Variants in UNC5D observed in about 807,000 individuals in gnomAD.
UNC5D encodes the protein unc-5 netrin receptor D.
Under a neutral mutation model 105.4 loss-of-function variants are expected in UNC5D, and 39 were observed. The observed-to-expected ratio is 0.37, with a 90% CI of 0.29 to 0.48. The LOEUF is 0.48. Among genes scored for constraint, UNC5D ranks in the 20% least tolerant of loss-of-function variants. UNC5D has a pLI of 0.98. For missense variants in UNC5D, 991 were observed against 1,202.4 expected, an observed-to-expected ratio of 0.82 and a Z score of 2.60; for synonymous variants, 452 against 450.4, an observed-to-expected ratio of 1.00 and a Z score of -0.04.
intron 4 of UNC5D, among the ~76,000 whole-genome samples, chr8:35,611,170 G>A (rs1237663368): frequency 6.6e-6 from 1 of 152,036 alleles, no homozygotes; most frequent in East Asian, 1.9e-4. Flanking sequence ...CATTATGTTT[G>A]GGGAACCAGA....
At chr8:35,252,019 C>CTT (rs1177014089) in intron 1 of UNC5D, among the ~76,000 whole-genome samples, 2,477 of 117,120 alleles carry the variant, frequency 0.021, 59 homozygotes, top group African/African-American at 0.04. Context: ...ACCAATGGTT[C>CTT]TTTTTTTTTT....
intron 1 of UNC5D, among the ~76,000 whole-genome samples, chr8:35,439,679 G>A (rs974634627): frequency 6.6e-6 from 1 of 151,870 alleles, no homozygotes; most frequent in Non-Finnish European, 1.5e-5. Context: ...TCCCAAGAAG[G>A]GTGTCATCTT....
intron 1 of UNC5D, among the ~76,000 whole-genome samples, chr8:35,280,986 C>A (rs1199315856): frequency 2.0e-5 from 3 of 152,196 alleles, no homozygotes; most frequent in African/African-American, 7.2e-5. Flanking sequence ...CTCATTACAT[C>A]TCTCAGCTTG....
intron 4 of UNC5D, among the ~76,000 whole-genome samples, chr8:35,619,022 A>G (rs1417465537): frequency 6.6e-6 from 1 of 152,208 alleles, no homozygotes; most frequent in East Asian, 1.9e-4. Context: ...ATGTCTTACT[A>G]CAGATTTCAA....
intron 4 of UNC5D, among the ~76,000 whole-genome samples, chr8:35,653,851 T>C (rs1235299920): frequency 6.6e-6 from 1 of 152,234 alleles, no homozygotes; most frequent in Non-Finnish European, 1.5e-5. Context: ...TTTCATACTC[T>C]GTACTTGTTA....
At chr8:35,386,582 A>G (rs1055949292) in intron 1 of UNC5D, among the ~76,000 whole-genome samples, 2 of 152,234 alleles carry the variant, frequency 1.3e-5, no homozygotes, top group African/African-American at 4.8e-5. Flanking sequence ...TTGTTAACCA[A>G]ACTCTGCCTG....
rs1830244082 is a variant in UNC5D at position 35,750,786 on chromosome 8, G to A, written c.2140G>A (p.Asp714Asn). Reference sequence around the variant, plus strand: ...TTACAACTTGAGAGTTTACTGTGTGGACAATACCCCTTGTGCATTTCAGGT... The same window carrying A: ...TTACAACTTGAGAGTTTACTGTGTGAACAATACCCCTTGTGCATTTCAGGT... ...LDYNLRVYCV[D>N]NTPCAFQEVV... is the part of the protein sequence containing the mutation. Residue 714 changes from aspartate to asparagine, a missense_variant, in exon 13 of 17, where the codon GAC (aspartate) becomes AAC (asparagine). Asp to Asn is a conservative substitution (Grantham distance 23). Around this residue, in one of 3 missense-constraint regions of UNC5D, gnomAD observed 944 missense variants for 1,131.6 expected, o/e 0.83. Coordinates refer to ENST00000404895, the MANE Select transcript of UNC5D (RefSeq NM_080872.4). The A allele has an allele frequency of 6.2e-7, 1 of 1,614,104 alleles. No homozygotes were observed. Among genetic ancestry groups the A allele is most frequent in the Non-Finnish European group, 8.5e-7 (1 of 1,180,012 alleles).
intron 10 of UNC5D, among the ~76,000 whole-genome samples, chr8:35,728,095 A>AAAAAAAAAAATATATATAT (rs34672872): frequency 2.7e-5 from 3 of 110,354 alleles, no homozygotes; most frequent in African/African-American, 1.1e-4. Flanking sequence ...AAAAAAAAAA[A>AAAAAAAAAAATATATATAT]ATATATATAT....
chr8:35,495,847 A>G (rs1239302465), intron 1 of UNC5D, among the ~76,000 whole-genome samples: 1 of 152,218 alleles, frequency 6.6e-6, no homozygotes, highest in Non-Finnish European at 1.5e-5. Context: ...ATATCTAACC[A>G]CTACTAATAG....
At chr8:35,602,437 T>C (rs1277652362) in intron 4 of UNC5D, among the ~76,000 whole-genome samples, 2 of 152,188 alleles carry the variant, frequency 1.3e-5, no homozygotes, top group Non-Finnish European at 2.9e-5. Context: ...CCTGGACTTT[T>C]TTTGGTTGGT....
At chr8:35,422,282 C>T (rs372756039) in intron 1 of UNC5D, among the ~76,000 whole-genome samples, 4 of 152,170 alleles carry the variant, frequency 2.6e-5, no homozygotes, top group East Asian at 1.9e-4. Flanking sequence ...CTAATAAAAA[C>T]GTGTCATGCT....
chr8:35,278,332 G>A (rs1008741016), intron 1 of UNC5D, among the ~76,000 whole-genome samples: 5 of 152,110 alleles, frequency 3.3e-5, no homozygotes, highest in African/African-American at 7.2e-5. Context: ...CCAGGTGCAC[G>A]CTTTCTTCAC....
Position 35,271,719 on chromosome 8 carries a change from A to C in UNC5D, c.103+35832A>C, listed in dbSNP as rs546906909. On this transcript the variant is annotated intron_variant, in intron 1 of 16. Transcript: ENST00000404895. ...TACATGTATACATATATATTTATAC[A>C]TGTATACATGTATACATATATATTT... 6.4e-3 allele frequency among the ~76,000 whole-genome samples: 308 copies of C among 47,860 alleles called. 5 individuals carry two copies. Among genetic ancestry groups the C allele is most frequent in the African/African-American group, 0.03 (298 of 9,930 alleles). The allele number at this position is 47,860 out of a possible 152,430, so 31.4% of individuals were successfully genotyped here.
chr8:35,271,708 TATATTTATAC>T (rs1563268243), intron 1 of UNC5D, among the ~76,000 whole-genome samples: 2,924 of 74,038 alleles, frequency 0.039, 166 homozygotes, highest in African/African-American at 0.082. Context: ...TGTATACATA[TATATTTATAC>T]ATGTATACAT....
intron 1 of UNC5D, among the ~76,000 whole-genome samples, chr8:35,269,279 G>A (rs893965895): frequency 1.3e-5 from 2 of 152,232 alleles, no homozygotes; most frequent in Non-Finnish European, 2.9e-5. Context: ...TTTGCCAAGC[G>A]TGCTCTAGTC....
chr8:35,679,066 T>G (rs1212808445), intron 4 of UNC5D, among the ~76,000 whole-genome samples: 1 of 151,922 alleles, frequency 6.6e-6, no homozygotes, highest in Non-Finnish European at 1.5e-5. Context: ...CTGAGAAACA[T>G]AGTGAAACCC....
intron 8 of UNC5D, among the ~76,000 whole-genome samples, chr8:35,715,871 G>A (rs1828225267): frequency 6.6e-6 from 1 of 152,114 alleles, no homozygotes; most frequent in Non-Finnish European, 1.5e-5. Context: ...ACATAGGATG[G>A]TCTCCATATT....
chr8:35,295,364 T>C (rs1282241250), intron 1 of UNC5D, among the ~76,000 whole-genome samples: 1 of 152,214 alleles, frequency 6.6e-6, no homozygotes, highest in Non-Finnish European at 1.5e-5. Flanking sequence ...TTAAAATACA[T>C]GGTTCATCTG....
At chr8:35,751,249 C>T (rs1830268476) in intron 13 of UNC5D, among the ~76,000 whole-genome samples, 1 of 152,136 alleles carries the variant, frequency 6.6e-6, no homozygotes, top group Non-Finnish European at 1.5e-5. Flanking sequence ...AGGGTGGTGC[C>T]TACTGATCCA....
Sources: allele counts gnomAD v4.1 joint callset (sites outside exome capture counted in the v4.1 genomes callset), GRCh38; gene constraint gnomAD v4.1.1; regional missense constraint gnomAD v4.1.1; transcripts MANE v1.5; gene names NCBI Gene and HGNC (gene_info 2026-07-23, HGNC 2026-07-21).